Variants in SMAP1 observed in about 807,000 individuals in gnomAD.
The protein encoded by SMAP1 is stromal membrane-associated protein 1.
Under a neutral mutation model 58.5 loss-of-function variants are expected in SMAP1, and 24 were observed. That is an observed-to-expected ratio of 0.41 (90% CI 0.30 to 0.58). SMAP1 has a LOEUF of 0.58. Among genes scored for constraint, SMAP1 ranks in the 20% least tolerant of loss-of-function variants. The probability of loss-of-function intolerance (pLI) is 0.29; values close to 1 mark genes in which losing one functional copy is unlikely to be tolerated. For synonymous variants in SMAP1, 216 were observed against 196.6 expected (o/e 1.10, Z -0.82); for missense variants, 563 against 566.3 (o/e 0.99, Z 0.06).
chr6:70,710,939 G>T (rs908800707), intron 1 of SMAP1, among the ~76,000 whole-genome samples: 13 of 152,106 alleles, frequency 8.5e-5, no homozygotes, highest in Non-Finnish European at 1.6e-4. Context: ...ACAGGTTCAG[G>T]ATTTTCAGTA....
chr6:70,724,017 G>GT (rs1174606212), intron 1 of SMAP1, among the ~76,000 whole-genome samples: 1 of 151,394 alleles, frequency 6.6e-6, no homozygotes, highest in African/African-American at 2.4e-5. Context: ...CAATTCTTTT[G>GT]TTTTTTAATA....
intron 5 of SMAP1, among the ~76,000 whole-genome samples, chr6:70,794,232 C>G (rs1344511338): frequency 6.6e-6 from 1 of 152,088 alleles, no homozygotes; most frequent in Non-Finnish European, 1.5e-5. Flanking sequence ...GTATTTTGTT[C>G]TTGCTGAGAA....
At chr6:70,691,698 G>A (rs1026822643) in intron 1 of SMAP1, among the ~76,000 whole-genome samples, 2 of 152,176 alleles carry the variant, frequency 1.3e-5, no homozygotes, top group Non-Finnish European at 1.5e-5. Context: ...ATAAAAGAGT[G>A]AGAATGTGAG....
rs369575544 is a variant in SMAP1, at chr6:70,777,450, TTTTA to T, written c.414+4028_414+4031del. On this transcript the variant is annotated intron_variant, in intron 4 of 10. Transcript: ENST00000370455. ...GTCTATTCAGATCTTTTGCTTATTT[TTTTA>T]TTATTATTTTTTGCTGTCGAGTTGT... 5.7e-3 allele frequency among the ~76,000 whole-genome samples: 864 copies of T among 152,336 alleles called. 7 individuals carry two copies. The highest frequency in any genetic ancestry group is 0.02 in the African/African-American group (811 of 41,570).
At chr6:70,806,452 T>C (rs1009135526) in intron 6 of SMAP1, among the ~76,000 whole-genome samples, 13 of 152,194 alleles carry the variant, frequency 8.5e-5, no homozygotes, top group African/African-American at 2.4e-4. Flanking sequence ...CGTGACCCCC[T>C]GTGCTTCCTG....
rs1054768973 is a variant in SMAP1 at position 70,860,918 on chromosome 6, A to C, written c.*584A>C. 1 of 382,524 alleles carries C rather than the reference A, an allele frequency of 2.6e-6. No homozygotes were observed. The highest frequency in any genetic ancestry group is 4.6e-6 in the Non-Finnish European group (1 of 215,876). 23.7% of individuals were successfully genotyped at this position (382,524 alleles called of 1,614,324 possible). A position where few individuals can be genotyped will look rare whatever the true frequency, so the allele number is the denominator to read the frequency against. On this transcript the variant is annotated 3_prime_UTR_variant, in exon 11 of 11. Transcript: ENST00000370455. Reference sequence around the variant, plus strand: ...GGATGTTACTCCAAAACTTCGTTTAATGAATGCTTAAAGAATTCAAATTTT... The same window carrying C: ...GGATGTTACTCCAAAACTTCGTTTACTGAATGCTTAAAGAATTCAAATTTT...
Position 70,788,133 on chromosome 6 carries a change from A to C in SMAP1, c.415-3556A>C, listed in dbSNP as rs1422051590. Among the ~76,000 whole-genome samples, 20 of 151,712 alleles carry C rather than the reference A, an allele frequency of 1.3e-4. No homozygotes were observed. The South Asian group carries it at 2.9e-3, about 22-fold the overall frequency. ...TACTATGCAGCCATAAAAAATGATGAGTTCATGTCCTTTGTAGGGACATGG... is the reference window on the plus strand; with the variant it reads ...TACTATGCAGCCATAAAAAATGATGCGTTCATGTCCTTTGTAGGGACATGG... On this transcript the variant is annotated intron_variant, in intron 4 of 10. Coordinates refer to ENST00000370455, the MANE Select transcript of SMAP1 (RefSeq NM_001044305.3).
intron 6 of SMAP1, among the ~76,000 whole-genome samples, chr6:70,826,308 G>A (rs144631999): frequency 2.0e-5 from 3 of 152,152 alleles, no homozygotes; most frequent in Admixed American, 6.5e-5. Flanking sequence ...ATGGGCTCAC[G>A]TCTTGATTTT....
intron 3 of SMAP1, among the ~76,000 whole-genome samples, chr6:70,764,803 G>A (rs1766895478): frequency 6.6e-6 from 1 of 152,012 alleles, no homozygotes; most frequent in African/African-American, 2.4e-5. Context: ...ACTTTCAAGT[G>A]TTTTTTCTTT....
intron 10 of SMAP1, 197 bp downstream of exon 10, chr6:70,858,426 C>A: frequency 1.9e-6 from 1 of 513,708 alleles, no homozygotes; most frequent in Non-Finnish European, 3.3e-6. Flanking sequence ...GTGTTATTAT[C>A]GCTATTTTAG....
intron 7 of SMAP1, among the ~76,000 whole-genome samples, chr6:70,848,882 G>A (rs754953396): frequency 3.9e-5 from 6 of 152,172 alleles, no homozygotes; most frequent in South Asian, 2.1e-4. Context: ...CTGGGAACTT[G>A]TGTTTACCAA....
At chr6:70,857,137 C>T in intron 9 of SMAP1, 107 bp downstream of exon 9, 1 of 1,151,528 alleles carries the variant, frequency 8.7e-7, no homozygotes, top group South Asian at 2.6e-5. Flanking sequence ...GTAGTGAGTG[C>T]TTTTGTTGTT....
At chr6:70,841,515 G>A (rs1260747759) in intron 7 of SMAP1, among the ~76,000 whole-genome samples, 1 of 152,118 alleles carries the variant, frequency 6.6e-6, no homozygotes, top group Admixed American at 6.5e-5. Flanking sequence ...TCTATTCACT[G>A]CTTATATAAA....
At chr6:70,736,708 A>G (rs1765631346) in intron 2 of SMAP1, among the ~76,000 whole-genome samples, 1 of 152,156 alleles carries the variant, frequency 6.6e-6, no homozygotes, top group African/African-American at 2.4e-5. Context: ...TGTATATTCT[A>G]TGGTTCTTAC....
intron 4 of SMAP1, among the ~76,000 whole-genome samples, chr6:70,784,830 T>G (rs1440053980): frequency 6.6e-6 from 1 of 152,062 alleles, no homozygotes; most frequent in Non-Finnish European, 1.5e-5. Context: ...ACATAAAGAC[T>G]TAGACTCCCA....
At chr6:70,858,862 G>A (rs1367665730) in intron 10 of SMAP1, 1 of 153,106 alleles carries the variant, frequency 6.5e-6, no homozygotes, top group Non-Finnish European at 1.5e-5. Flanking sequence ...CCCATAAGGT[G>A]TGAACCAGAC....
chr6:70,690,349 C>T (rs1390788148), intron 1 of SMAP1, among the ~76,000 whole-genome samples: 2 of 151,974 alleles, frequency 1.3e-5, no homozygotes, highest in Non-Finnish European at 2.9e-5. Flanking sequence ...TCTTGTTGCC[C>T]AGGCTGGAGT....
At chr6:70,769,121 C>T (rs4410689) in intron 3 of SMAP1, among the ~76,000 whole-genome samples, 65,942 of 151,852 alleles carry the variant, frequency 0.43, 14,676 homozygotes, top group South Asian at 0.5. Context: ...AGAGACAGTT[C>T]GTTATAATTT....
intron 3 of SMAP1, among the ~76,000 whole-genome samples, chr6:70,769,773 G>A (rs1465036479): frequency 2.6e-5 from 4 of 152,146 alleles, no homozygotes; most frequent in Non-Finnish European, 5.9e-5. Flanking sequence ...ATATTGTTAT[G>A]TGTGAATTTG....
Sources: allele counts gnomAD v4.1 joint callset (sites outside exome capture counted in the v4.1 genomes callset), GRCh38; gene constraint gnomAD v4.1.1; transcripts MANE v1.5; gene names NCBI Gene and HGNC (gene_info 2026-07-23, HGNC 2026-07-21).